The following SLC24A3 variants were observed in gnomAD, a reference collection of about 807,000 sequenced individuals.
SLC24A3 encodes the protein solute carrier family 24 member 3.
In SLC24A3, 28 loss-of-function variants were observed where a neutral mutation model predicts 75.8. The ratio of observed to expected loss-of-function variants is 0.37; its 90% CI spans 0.27 to 0.51. SLC24A3 has a LOEUF of 0.51. Ranked by LOEUF, SLC24A3 falls within the 20% of genes least tolerant of loss-of-function variation. The pLI is 0.94. For missense variants in SLC24A3, 663 were observed against 847.8 expected, an observed-to-expected ratio of 0.78 and a Z score of 2.71; for synonymous variants, 372 against 334.1, an observed-to-expected ratio of 1.11 and a Z score of -1.24.
chr20:19,461,529 C>CTTTTTTTTTTTTTTTTTTT (rs11468628), intron 2 of SLC24A3, among the ~76,000 whole-genome samples: 85 of 101,408 alleles, frequency 8.4e-4, no homozygotes, highest in African/African-American at 1.0e-3. Flanking sequence ...TCTTTTTTTT[C>CTTTTTTTTTTTTTTTTTTT]TTTTTTTTTT....
At chr20:19,249,046 A>C (rs997071004) in intron 1 of SLC24A3, among the ~76,000 whole-genome samples, 1 of 151,836 alleles carries the variant, frequency 6.6e-6, no homozygotes, top group African/African-American at 2.4e-5. Context: ...CAGGAGGATA[A>C]ATGATAAGTA....
chr20:19,351,375 G>C (rs562487357), intron 2 of SLC24A3, among the ~76,000 whole-genome samples: 1 of 152,160 alleles, frequency 6.6e-6, no homozygotes, highest in Non-Finnish European at 1.5e-5. Flanking sequence ...CTGCCTGTGG[G>C]CTTAGCTGCT....
At position 19,520,748 on chromosome 20, in the gene SLC24A3, C is replaced by T. The variant is rs576626074; in HGVS notation, c.348+5184C>T. Among the ~76,000 whole-genome samples, 38 of 152,300 alleles carry T rather than the reference C, an allele frequency of 2.5e-4. No individual in the cohort carries two copies. In the Middle Eastern group the frequency reaches 0.01, roughly 41 times the overall value. The stretch of plus-strand genomic sequence containing the variant: ...CCTGTTCCCCGCGTCAACACCTGTC[C>T]GCACTTCTTTCTTCCTCCCCTGGAC... On this transcript the variant is annotated intron_variant, in intron 3 of 16. Coordinates refer to ENST00000328041, the MANE Select transcript of SLC24A3 (RefSeq NM_020689.4).
At chr20:19,672,088 G>A (rs1387607540) in intron 8 of SLC24A3, among the ~76,000 whole-genome samples, 1 of 152,088 alleles carries the variant, frequency 6.6e-6, no homozygotes, top group Non-Finnish European at 1.5e-5. Flanking sequence ...GACTGGTGTG[G>A]ATAGAAATCA....
chr20:19,263,623 T>A (rs1983066312), intron 1 of SLC24A3, among the ~76,000 whole-genome samples: 1 of 152,174 alleles, frequency 6.6e-6, no homozygotes, highest in South Asian at 2.1e-4. Flanking sequence ...CTGAGCCACA[T>A]CCTCTCTCCT....
At chr20:19,401,973 C>A (rs1300634217) in intron 2 of SLC24A3, among the ~76,000 whole-genome samples, 2 of 152,194 alleles carry the variant, frequency 1.3e-5, no homozygotes, top group Non-Finnish European at 1.5e-5. Context: ...ACTGGTGTTT[C>A]TTGGGCTCAC....
At chr20:19,346,224 ATATATGG>A (rs1985413772) in intron 2 of SLC24A3, among the ~76,000 whole-genome samples, 5 of 96,082 alleles carry the variant, frequency 5.2e-5, no homozygotes, top group African/African-American at 1.5e-4. Context: ...GTGTATATGT[ATATATGG>A]TATATATATA....
At chr20:19,337,461 TAAA>T (rs1348676167) in intron 2 of SLC24A3, among the ~76,000 whole-genome samples, 25 of 88,622 alleles carry the variant, frequency 2.8e-4, no homozygotes, top group African/African-American at 2.3e-3. Context: ...AGTAAATAAA[TAAA>T]TAAATAAATT....
At chr20:19,608,008 T>A (rs2031620319) in intron 6 of SLC24A3, among the ~76,000 whole-genome samples, 1 of 152,248 alleles carries the variant, frequency 6.6e-6, no homozygotes, top group Admixed American at 6.5e-5. Flanking sequence ...CTAACCAGAA[T>A]GCCCTTTTTC....
chr20:19,278,932 C>CTA (rs1983572183), intron 1 of SLC24A3, among the ~76,000 whole-genome samples: 1 of 152,196 alleles, frequency 6.6e-6, no homozygotes, highest in Admixed American at 6.5e-5. Flanking sequence ...GTGAGGTGCC[C>CTA]ACAGGCATTG....
chr20:19,491,736 G>C (rs1346604169), intron 2 of SLC24A3, among the ~76,000 whole-genome samples: 4 of 152,196 alleles, frequency 2.6e-5, no homozygotes, highest in Non-Finnish European at 5.9e-5. Context: ...TGGGAAAGGA[G>C]TGGGAGAGGA....
chr20:19,454,026 A>G (rs1600235872), intron 2 of SLC24A3, among the ~76,000 whole-genome samples: 1 of 152,228 alleles, frequency 6.6e-6, no homozygotes, highest in South Asian at 2.1e-4. Context: ...ATGCTAATGA[A>G]TTATTCCTTG....
At position 19,290,543 on chromosome 20, in the gene SLC24A3, C is replaced by T. The variant is rs916506922; in HGVS notation, c.271+9456C>T. 3.9e-5 allele frequency among the ~76,000 whole-genome samples: 6 copies of T among 152,314 alleles called. No homozygotes were observed. In the South Asian group the frequency reaches 8.3e-4, roughly 21 times the overall value. The stretch of plus-strand genomic sequence containing the variant: ...AGAGTGAGAAAATGTCATCTATGAA[C>T]CAGCATGCAGGCCCTCCACCAGACA... On this transcript the variant is annotated intron_variant, in intron 2 of 16. Coordinates refer to ENST00000328041, the MANE Select transcript of SLC24A3 (RefSeq NM_020689.4).
At chr20:19,563,889 G>A (rs1449005170) in intron 3 of SLC24A3, among the ~76,000 whole-genome samples, 2 of 152,182 alleles carry the variant, frequency 1.3e-5, no homozygotes, top group African/African-American at 4.8e-5. Flanking sequence ...CCTCGGAAAG[G>A]CTCAGGTTAC....
chr20:19,390,154 G>A (rs1466479535), intron 2 of SLC24A3, among the ~76,000 whole-genome samples: 1 of 152,136 alleles, frequency 6.6e-6, no homozygotes, highest in Non-Finnish European at 1.5e-5. Context: ...ATCTCTTGCA[G>A]CTCACTGAGT....
At chr20:19,369,653 A>C (rs1232548915) in intron 2 of SLC24A3, among the ~76,000 whole-genome samples, 1 of 152,136 alleles carries the variant, frequency 6.6e-6, no homozygotes, top group Non-Finnish European at 1.5e-5. Context: ...CTGAGAAAAT[A>C]CACTAAAATA....
intron 14 of SLC24A3, among the ~76,000 whole-genome samples, chr20:19,697,744 T>C (rs1390768319): frequency 6.6e-6 from 1 of 151,170 alleles, no homozygotes; most frequent in Admixed American, 6.6e-5. Flanking sequence ...TCTACACTAT[T>C]GTTCAGTTAT....
chr20:19,462,449 G>A (rs1305460450), intron 2 of SLC24A3, among the ~76,000 whole-genome samples: 1 of 152,096 alleles, frequency 6.6e-6, no homozygotes, highest in African/African-American at 2.4e-5. Context: ...CCCAGGGGCT[G>A]CTGTTGCCTG....
intron 2 of SLC24A3, among the ~76,000 whole-genome samples, chr20:19,440,775 G>A (rs1987284574): frequency 6.6e-6 from 1 of 151,818 alleles, no homozygotes; most frequent in Non-Finnish European, 1.5e-5. Flanking sequence ...AACGATGAGA[G>A]TGTCCAGGGT....
Sources: allele counts gnomAD v4.1 joint callset (sites outside exome capture counted in the v4.1 genomes callset), GRCh38; gene constraint gnomAD v4.1.1; transcripts MANE v1.5; gene names NCBI Gene and HGNC (gene_info 2026-07-23, HGNC 2026-07-21).